Variants in SCAP observed in about 807,000 individuals in gnomAD.
SCAP encodes the protein SREBF chaperone, also known as sterol regulatory element-binding protein cleavage-activating protein.
Under a neutral mutation model 123.6 loss-of-function variants are expected in SCAP, and 65 were observed. The ratio of observed to expected loss-of-function variants is 0.53; its 90% CI spans 0.43 to 0.65. SCAP has a LOEUF of 0.65. Ranked by LOEUF, SCAP falls within the 30% of genes least tolerant of loss-of-function variation. The pLI, the probability that SCAP is intolerant of heterozygous loss-of-function variation, is 0.00. For synonymous variants in SCAP, 740 were observed against 726.3 expected, an observed-to-expected ratio of 1.02 and a Z score of -0.30; for missense variants, 1,398 against 1,712.5, an observed-to-expected ratio of 0.82 and a Z score of 3.24.
intron 1 of SCAP, among the ~76,000 whole-genome samples, chr3:47,454,497 C>T (rs1296967861): frequency 6.6e-6 from 1 of 152,030 alleles, no homozygotes; most frequent in East Asian, 1.9e-4. Flanking sequence ...GAGACCAAGG[C>T]TGGTGGATCG....
intron 1 of SCAP, among the ~76,000 whole-genome samples, chr3:47,461,139 G>C (rs1384802124): frequency 6.6e-6 from 1 of 152,030 alleles, no homozygotes; most frequent in Non-Finnish European, 1.5e-5. Flanking sequence ...CTGGCCCTAA[G>C]ACTCCCTCCA....
Position 47,451,142 on chromosome 3 carries a change from C to T in SCAP, c.-98-8051G>A, listed in dbSNP as rs1247269579. 1.3e-4 allele frequency among the ~76,000 whole-genome samples: 16 copies of T among 122,618 alleles called. 6 individuals carry two copies. In the Admixed American group the frequency reaches 1.4e-3, roughly 10 times the overall value. 80.4% of individuals were successfully genotyped at this position (122,618 alleles called of 152,430 possible). On this transcript the variant is annotated intron_variant, in intron 1 of 22. Coordinates refer to ENST00000265565, the MANE Select transcript of SCAP (RefSeq NM_012235.4). ...TGTTGGGATTACAGACATGAGCCAC[C>T]GTGCAAGACTATTTTAAATAAACTT...
chr3:47,455,146 A>G (rs2107970216), intron 1 of SCAP, among the ~76,000 whole-genome samples: 1 of 149,868 alleles, frequency 6.7e-6, no homozygotes, highest in Admixed American at 6.7e-5. Flanking sequence ...TAAGGTAGTG[A>G]AAACTAATAT....
chr3:47,424,549 C>G (rs567235689), intron 8 of SCAP, among the ~76,000 whole-genome samples: 2 of 152,360 alleles, frequency 1.3e-5, no homozygotes, highest in Admixed American at 1.3e-4. Context: ...TACCAGCTAT[C>G]TGAGCCCACT....
chr3:47,425,748 C>T, intron 7 of SCAP, 137 bp from the exon 8 acceptor site: 1 of 1,002,354 alleles, frequency 1.0e-6, no homozygotes, highest in Non-Finnish European at 1.5e-6. Flanking sequence ...CAGGCACAAG[C>T]ACTTCCCAGT....
chr3:47,413,810 C>G lies in SCAP; in HGVS notation c.*44G>C, dbSNP rs781760076. On this transcript the variant is annotated 3_prime_UTR_variant, in exon 23 of 23. Coordinates refer to ENST00000265565, the MANE Select transcript of SCAP (RefSeq NM_012235.4). ...AGTCCAGGTTCAGTGCATTGGCCCCCACACAGCACCCCAGCCTCCTGCCTG... is the reference window on the plus strand; with the variant it reads ...AGTCCAGGTTCAGTGCATTGGCCCCGACACAGCACCCCAGCCTCCTGCCTG... 7 of 1,590,702 alleles carry G rather than the reference C, an allele frequency of 4.4e-6. No homozygotes were observed. In the African/African-American group the frequency reaches 5.4e-5, roughly 12 times the overall value.
chr3:47,447,196 G>T (rs1046938476), intron 1 of SCAP, among the ~76,000 whole-genome samples: 3 of 152,094 alleles, frequency 2.0e-5, no homozygotes, highest in Admixed American at 1.3e-4. Flanking sequence ...TTGAGGCCAG[G>T]AGTGTGAGAC....
chr3:47,425,541 C>A lies in SCAP; in HGVS notation c.981G>T (p.Leu327=). Residue 327 remains leucine, a synonymous_variant, in exon 8 of 23, where the codon CTG becomes CTT. Coordinates refer to ENST00000265565, the MANE Select transcript of SCAP (RefSeq NM_012235.4). ...LAAVVTVLSS[L]LMSVGLCTLF... is the part of the protein sequence containing the mutation. The stretch of plus-strand genomic sequence containing the variant: ...GTGTGCAGAGTCCCACAGACATGAG[C>A]AGCGAGCTGAGCACTGTGACCACGG... 6.2e-7 allele frequency: 1 copy of A among 1,614,080 alleles called. No homozygotes were observed. Among genetic ancestry groups the A allele is most frequent in the Non-Finnish European group, 8.5e-7 (1 of 1,180,038 alleles).
chr3:47,437,541 G>A (rs1343955762), intron 2 of SCAP, among the ~76,000 whole-genome samples: 2 of 151,348 alleles, frequency 1.3e-5, no homozygotes, highest in Admixed American at 1.3e-4. Flanking sequence ...AGGAGTTTGA[G>A]ACCAGCCTGG....
At chr3:47,425,068 AT>A (rs1288453142) in intron 8 of SCAP, among the ~76,000 whole-genome samples, 1 of 152,134 alleles carries the variant, frequency 6.6e-6, no homozygotes, top group Admixed American at 6.5e-5. Context: ...GAAAAAAAAA[AT>A]GTTCTCTTCT....
chr3:47,423,942 TC>T lies in SCAP; in HGVS notation c.1140del (p.Ile381SerfsTer5). On this transcript the variant is annotated frameshift_variant, in exon 9 of 23. Transcript: ENST00000265565. LOFTEE classifies it high-confidence loss of function. ...TCTCCCACTGCGTTACCTTGGGCGA[TC>T]CGCAGCTTCACCTCCAGGTCTACCG... ...STPVDLEVKLRIAQGLSSESW... is the reference protein window; with the variant it reads ...STPVDLEVKLXIAQGLSSESW... 6.2e-7 allele frequency: 1 copy of T among 1,613,644 alleles called. No individual in the cohort carries two copies. The highest frequency in any genetic ancestry group is 8.5e-7 in the Non-Finnish European group (1 of 1,179,576).
intron 2 of SCAP, among the ~76,000 whole-genome samples, chr3:47,442,368 G>A (rs1706840927): frequency 1.3e-5 from 2 of 152,154 alleles, no homozygotes; most frequent in Non-Finnish European, 2.9e-5. Context: ...AGTGCAGCTG[G>A]CCACAAGAAT....
chr3:47,418,934 G>T, intron 13 of SCAP, 91 bp from the exon 14 acceptor site: 1 of 1,304,850 alleles, frequency 7.7e-7, no homozygotes, highest in Non-Finnish European at 1.0e-6. Flanking sequence ...TCCTCCCCAG[G>T]CAGGCCTCAG....
chr3:47,428,727 C>T (rs778129437), intron 3 of SCAP, 57 bp from the exon 4 acceptor site: 15 of 1,581,644 alleles, frequency 9.5e-6, no homozygotes, highest in African/African-American at 1.4e-5. Context: ...AGAAGAAAGA[C>T]GGTCCAATTC....
Position 47,417,183 on chromosome 3 carries a change from G to C in SCAP, c.2995C>G (p.Leu999Val). ...GAGACCTCCTCGCTGCTGCAGCACAGCACCCCTTCAATGGCGTCCCACACC... is the reference window on the plus strand; with the variant it reads ...GAGACCTCCTCGCTGCTGCAGCACACCACCCCTTCAATGGCGTCCCACACC... ...LEVWDAIEGV[L>V]CCSSEEVSSG... is the part of the protein sequence containing the mutation. Residue 999 changes from leucine (L) to valine (V), a missense_variant, in exon 18 of 23, where the codon CTG (leucine) becomes GTG (valine). Coordinates refer to ENST00000265565, the MANE Select transcript of SCAP (RefSeq NM_012235.4). 6.2e-7 allele frequency: 1 copy of C among 1,613,074 alleles called. No individual in the cohort carries two copies. Among genetic ancestry groups the C allele is most frequent in the Non-Finnish European group, 8.5e-7 (1 of 1,180,010 alleles).
chr3:47,430,193 A>G (rs188172794), intron 3 of SCAP, among the ~76,000 whole-genome samples: 4 of 152,320 alleles, frequency 2.6e-5, no homozygotes, highest in African/African-American at 7.2e-5. Flanking sequence ...AGAAGCAAGG[A>G]GAGGCTCAGG....
chr3:47,473,538 G>A (rs143302981), intron 1 of SCAP, among the ~76,000 whole-genome samples: 2 of 152,220 alleles, frequency 1.3e-5, no homozygotes, highest in Non-Finnish European at 2.9e-5. Flanking sequence ...TCTATGAGGA[G>A]TCCTCTCATC....
chr3:47,413,694 G>T lies in SCAP; in HGVS notation c.*160C>A. 1.0e-6 allele frequency: 1 copy of T among 986,068 alleles called. No individual in the cohort carries two copies. The highest frequency in any genetic ancestry group is 1.5e-6 in the Non-Finnish European group (1 of 666,440). 61.1% of individuals were successfully genotyped at this position (986,068 alleles called of 1,614,324 possible). A position where few individuals can be genotyped will look rare whatever the true frequency, so the allele number is the denominator to read the frequency against. ...AAGAGACACAAGTAGCTCCCAAAGT[G>T]CCTGACAGATGATGATATGGTTTTT... On this transcript the variant is annotated 3_prime_UTR_variant, in exon 23 of 23. Transcript: ENST00000265565.
chr3:47,417,815 C>T lies in SCAP; in HGVS notation c.2459G>A (p.Arg820Gln), dbSNP rs555145704. 1.6e-5 allele frequency: 22 copies of T among 1,379,718 alleles called. No homozygotes were observed. The East Asian group carries it at 1.7e-4, about 11-fold the overall frequency. The allele number at this position is 1,379,718 out of a possible 1,614,324, so 85.5% of individuals were successfully genotyped here. The change falls in exon 17 of 23, where the codon CGG becomes CAG. Residue 820 changes from arginine to glutamine, a missense_variant. Around this residue, in one of 7 missense-constraint regions of SCAP, gnomAD observed 828 missense variants for 882.5 expected, o/e 0.94. Transcript: ENST00000265565. ...AAGCCCGCTGCCCACGCCACTGTCC[C>T]GGCGCTGCCTGCTGGGGGCCAGGAG... is the stretch of plus-strand genomic sequence containing the variant. ...TRIPRPGRQR[R>Q]DSGVGSGLEA...
Sources: allele counts gnomAD v4.1 joint callset (sites outside exome capture counted in the v4.1 genomes callset), GRCh38; gene constraint gnomAD v4.1.1; regional missense constraint gnomAD v4.1.1; transcripts MANE v1.5; gene names NCBI Gene and HGNC (gene_info 2026-07-23, HGNC 2026-07-21).